Variants in ZNF729 observed in about 807,000 individuals in gnomAD.
ZNF729 encodes the protein zinc finger protein 729.
ZNF729 carries 15 observed loss-of-function variants against 12.2 expected under a neutral mutation model. The observed-to-expected ratio is 1.23, with a 90% CI of 0.82 to 1.89. The LOEUF (loss-of-function observed/expected upper bound fraction) is 1.89, where lower values mean the gene tolerates loss of function less well. Ranked by LOEUF, ZNF729 falls within the 40% of genes most tolerant of loss-of-function variation. ZNF729 has a pLI of 0.00. For synonymous variants in ZNF729, 492 were observed against 476.3 expected, an observed-to-expected ratio of 1.03 and a Z score of -0.43; for missense variants, 1,540 against 1,456.7, an observed-to-expected ratio of 1.06 and a Z score of -0.93.
intron 3 of ZNF729, among the ~76,000 whole-genome samples, chr19:22,311,762 A>G (rs1455865282): frequency 2.6e-5 from 4 of 152,176 alleles, no homozygotes; most frequent in Non-Finnish European, 5.9e-5. Flanking sequence ...TTCTGTCTTG[A>G]TGACCTGTCT....
Position 22,316,167 on chromosome 19 carries a change from T to G in ZNF729, c.2750T>G (p.Phe917Cys). 1 of 1,581,186 alleles carries G rather than the reference T, an allele frequency of 6.3e-7. No homozygotes were observed. Among genetic ancestry groups the G allele is most frequent in the Non-Finnish European group, 8.7e-7 (1 of 1,155,168 alleles). The change falls in exon 4 of 4, where the codon TTT (phenylalanine) becomes TGT (cysteine). Residue 917 changes from phenylalanine (F) to cysteine (C), a missense_variant. By Grantham distance (205) the Phe-to-Cys change is radical (BLOSUM62 -2). Transcript: ENST00000601693. ...AAATGTGAAGAATGTGGCAAAGCTTTTAAGCATTTCTCAGCCCTTAGAAAA... is the reference window on the plus strand; with the variant it reads ...AAATGTGAAGAATGTGGCAAAGCTTGTAAGCATTTCTCAGCCCTTAGAAAA... ...PCKCEECGKA[F>C]KHFSALRKHK...
intron 1 of ZNF729, among the ~76,000 whole-genome samples, chr19:22,302,873 T>C (rs1968331862): frequency 7.3e-6 from 1 of 137,846 alleles, no homozygotes; most frequent in Non-Finnish European, 1.6e-5. Context: ...CACTGCAACC[T>C]CCACCTCCTG....
At chr19:22,302,317 A>G (rs1221573026) in intron 1 of ZNF729, among the ~76,000 whole-genome samples, 1 of 152,310 alleles carries the variant, frequency 6.6e-6, no homozygotes, top group East Asian at 1.9e-4. Flanking sequence ...AGTCTAGACT[A>G]GCAACTGGGT....
At position 22,313,794 on chromosome 19, in the gene ZNF729, G is replaced by T. The variant is rs768242483; in HGVS notation, c.377G>T (p.Cys126Phe). Residue 126 changes from cysteine (C) to phenylalanine (F), a missense_variant, in exon 4 of 4, where the codon TGT (cysteine) becomes TTT (phenylalanine). Transcript: ENST00000601693. Reference protein sequence around the residue: ...GHKNLRLRKDCKSANEGKMHK... With the variant: ...GHKNLRLRKDFKSANEGKMHK... Reference sequence around the variant, plus strand: ...AAGAATTTACGATTAAGAAAAGATTGTAAAAGTGCCAATGAGGGTAAGATG... The same window carrying T: ...AAGAATTTACGATTAAGAAAAGATTTTAAAAGTGCCAATGAGGGTAAGATG... 1.5e-5 allele frequency: 24 copies of T among 1,597,934 alleles called. No individual in the cohort carries two copies. The highest frequency in any genetic ancestry group is 2.0e-5 in the Non-Finnish European group (23 of 1,173,446).
At chr19:22,292,012 G>C (rs150550230) in intron 1 of ZNF729, among the ~76,000 whole-genome samples, 1 of 151,992 alleles carries the variant, frequency 6.6e-6, no homozygotes, top group Non-Finnish European at 1.5e-5. Flanking sequence ...GATTACAGGC[G>C]TGAGCCACTG....
Position 22,315,928 on chromosome 19 carries a change from A to G in ZNF729, c.2511A>G (p.Ser837=), listed in dbSNP as rs1191251110. The G allele has an allele frequency of 2.5e-6, 4 of 1,610,886 alleles. No homozygotes were observed. The highest frequency in any genetic ancestry group is 1.6e-4 in the Middle Eastern group (1 of 6,080). The change falls in exon 4 of 4, where the codon TCA becomes TCG. Residue 837 remains serine, a synonymous_variant. Transcript: ENST00000601693. ...EECGKAFKHF[S]ALRKHKVIHT... ...GTGGCAAAGCTTTTAAGCATTTCTC[A>G]GCCCTTAGAAAACATAAGGTAATTC...
rs1599759127 is a variant in ZNF729, at chr19:22,314,311, C to A, written c.894C>A (p.Gly298=). The change falls in exon 4 of 4, where the codon GGC becomes GGA. Residue 298 remains glycine (G), a synonymous_variant. Transcript: ENST00000601693. ...AAACCTACAAATGTGAAGAATGTGGCAAAGCTTTTAAGGGGTCCTCAAATT... is the reference window on the plus strand; with the variant it reads ...AAACCTACAAATGTGAAGAATGTGGAAAAGCTTTTAAGGGGTCCTCAAATT... The part of the protein sequence containing the change: ...GEKTYKCEEC[G]KAFKGSSNFN... 6.2e-7 allele frequency: 1 copy of A among 1,609,988 alleles called. No homozygotes were observed. Among genetic ancestry groups the A allele is most frequent in the Non-Finnish European group, 8.5e-7 (1 of 1,179,112 alleles).
intron 1 of ZNF729, 34 bp from the exon 2 acceptor site, chr19:22,303,724 G>A (rs776816741): frequency 6.7e-7 from 1 of 1,500,868 alleles, no homozygotes; most frequent in Non-Finnish European, 8.9e-7. Flanking sequence ...GGCCACTTGG[G>A]AAATGTATAT....
intron 1 of ZNF729, among the ~76,000 whole-genome samples, chr19:22,295,696 A>G (rs1047240886): frequency 1.3e-5 from 2 of 152,142 alleles, no homozygotes; most frequent in African/African-American, 2.4e-5. Flanking sequence ...CACCGCGCCC[A>G]GTCGATATGC....
rs1439462487 is a variant in ZNF729 at position 22,286,539 on chromosome 19, C to G, written c.14C>G (p.Pro5Arg). ...TCCACAGCTAACATGCCAGGTGCCC[C>G]TGGCAGCCTAGAAATGGTGAGAGTG... Reference protein sequence around the residue: MPGAPGSLEMGPLTF... With the variant: MPGARGSLEMGPLTF... The change falls in exon 1 of 4, where the codon CCT becomes CGT. Residue 5 changes from proline (P) to arginine (R), a missense_variant. Pro to Arg is a moderately radical substitution (Grantham distance 103). Coordinates refer to ENST00000601693, the MANE Select transcript of ZNF729 (RefSeq NM_001242680.2). The G allele has an allele frequency of 1.9e-6, 3 of 1,613,890 alleles. No homozygotes were observed. Among genetic ancestry groups the G allele is most frequent in the Non-Finnish European group, 2.5e-6 (3 of 1,179,996 alleles).
At chr19:22,288,291 T>C (rs2145037903) in intron 1 of ZNF729, among the ~76,000 whole-genome samples, 1 of 151,958 alleles carries the variant, frequency 6.6e-6, no homozygotes, top group East Asian at 1.9e-4. Flanking sequence ...TGACACTGCG[T>C]TGTAAAAAGT....
At chr19:22,287,494 C>T (rs1479505119) in intron 1 of ZNF729, among the ~76,000 whole-genome samples, 1 of 151,462 alleles carries the variant, frequency 6.6e-6, no homozygotes, top group Non-Finnish European at 1.5e-5. Context: ...CTCGAACTCC[C>T]GACCTCAGGT....
rs760525721 is a variant in ZNF729 at position 22,316,054 on chromosome 19, A to G, written c.2637A>G (p.Pro879=). The G allele has an allele frequency of 3.0e-5, 48 of 1,609,612 alleles. No homozygotes were observed. Among genetic ancestry groups the G allele is most frequent in the Non-Finnish European group, 3.8e-5 (45 of 1,179,258 alleles). ...KHEIIHSGEK[P]YKCEECGKAF... is the part of the protein sequence containing the mutation. ...AGATAATTCATAGTGGAGAGAAACC[A>G]TACAAATGTGAAGAATGTGGTAAAG... Residue 879 remains proline (P), a synonymous_variant, in exon 4 of 4, where the codon CCA becomes CCG. Coordinates refer to ENST00000601693, the MANE Select transcript of ZNF729 (RefSeq NM_001242680.2).
At chr19:22,303,549 G>C (rs1321798962) in intron 1 of ZNF729, among the ~76,000 whole-genome samples, 2 of 152,204 alleles carry the variant, frequency 1.3e-5, no homozygotes, top group Admixed American at 6.5e-5. Context: ...CACTGGTGTT[G>C]CGGATCTTAT....
At chr19:22,302,703 T>G (rs1968328166) in intron 1 of ZNF729, among the ~76,000 whole-genome samples, 2 of 152,426 alleles carry the variant, frequency 1.3e-5, no homozygotes, top group Admixed American at 1.3e-4. Flanking sequence ...GTCCACTCCC[T>G]GGCCAAGTTC....
intron 1 of ZNF729, among the ~76,000 whole-genome samples, chr19:22,294,558 T>C (rs888553400): frequency 3.9e-5 from 6 of 152,058 alleles, no homozygotes; most frequent in African/African-American, 1.4e-4. Flanking sequence ...TTTTGGGCAT[T>C]ATGGCCATTT....
At chr19:22,308,535 GT>G (rs201896379) in intron 3 of ZNF729, among the ~76,000 whole-genome samples, 3,796 of 151,576 alleles carry the variant, frequency 0.025, 156 homozygotes, top group African/African-American at 0.087. Context: ...AACATCTACT[GT>G]TTTTTTGATT....
chr19:22,314,503 C>T lies in ZNF729; in HGVS notation c.1086C>T (p.Thr362=). The change falls in exon 4 of 4, where the codon ACC becomes ACT. Residue 362 remains threonine (T), a synonymous_variant. Transcript: ENST00000601693. ...GCAAAGCTTTTAGCCAGTCCTCAAC[C>T]CTTAGAAAACATGAGATAATTCATA... ...ECGKAFSQSS[T]LRKHEIIHTG... 1.2e-6 allele frequency: 2 copies of T among 1,608,474 alleles called. No homozygotes were observed. The highest frequency in any genetic ancestry group is 1.7e-6 in the Non-Finnish European group (2 of 1,178,050).
chr19:22,312,964 C>T (rs138870678), intron 3 of ZNF729, among the ~76,000 whole-genome samples: 1,770 of 152,268 alleles, frequency 0.012, 20 homozygotes, highest in Admixed American at 0.037. Context: ...CCGCCCACCT[C>T]GGCCTCCCAA....
Sources: allele counts gnomAD v4.1 joint callset (sites outside exome capture counted in the v4.1 genomes callset), GRCh38; gene constraint gnomAD v4.1.1; transcripts MANE v1.5; gene names NCBI Gene and HGNC (gene_info 2026-07-23, HGNC 2026-07-21).